Variants in PRKCE observed in about 807,000 individuals in gnomAD.
PRKCE encodes protein kinase C epsilon type.
Under a neutral mutation model 85.4 loss-of-function variants are expected in PRKCE, and 16 were observed. That is an observed-to-expected ratio of 0.19 (90% CI 0.13 to 0.28). The LOEUF (loss-of-function observed/expected upper bound fraction) is 0.28, where lower values mean the gene tolerates loss of function less well. Among genes scored for constraint, PRKCE ranks in the 10% least tolerant of loss-of-function variants. The pLI is 1.00. For missense variants in PRKCE, 573 were observed against 975.2 expected (o/e 0.59, Z 5.49); for synonymous variants, 388 against 371.5 (o/e 1.04, Z -0.51).
intron 11 of PRKCE, among the ~76,000 whole-genome samples, chr2:46,126,906 C>T (rs1051220310): frequency 1.3e-5 from 2 of 152,182 alleles, no homozygotes; most frequent in African/African-American, 2.4e-5. Context: ...CCCACTTCAG[C>T]GGTTTACAGT....
intron 2 of PRKCE, among the ~76,000 whole-genome samples, chr2:45,897,759 G>A (rs931391055): frequency 1.3e-5 from 2 of 152,174 alleles, no homozygotes; most frequent in Non-Finnish European, 2.9e-5. Flanking sequence ...CAGCAATATG[G>A]TTTATGATTT....
At chr2:45,790,606 C>T (rs1573369391) in intron 1 of PRKCE, among the ~76,000 whole-genome samples, 1 of 152,334 alleles carries the variant, frequency 6.6e-6, no homozygotes. Flanking sequence ...TGTCAGAGGA[C>T]CCAAAGCACA....
At chr2:45,836,441 C>G (rs1387814015) in intron 1 of PRKCE, among the ~76,000 whole-genome samples, 1 of 152,212 alleles carries the variant, frequency 6.6e-6, no homozygotes, top group East Asian at 1.9e-4. Context: ...CTGCTAACTT[C>G]AAAATCAGCA....
chr2:45,706,999 A>T (rs1386060093), intron 1 of PRKCE, among the ~76,000 whole-genome samples: 1 of 152,114 alleles, frequency 6.6e-6, no homozygotes, highest in East Asian at 1.9e-4. Flanking sequence ...TCGATTTTCC[A>T]CTTTGACTGG....
intron 2 of PRKCE, among the ~76,000 whole-genome samples, chr2:45,903,461 G>C (rs1372513989): frequency 6.6e-6 from 1 of 152,216 alleles, no homozygotes; most frequent in Non-Finnish European, 1.5e-5. Flanking sequence ...TGTGAGGGAA[G>C]ATGAGGCCGA....
chr2:45,989,786 T>C (rs982872527), intron 6 of PRKCE, among the ~76,000 whole-genome samples: 1 of 152,254 alleles, frequency 6.6e-6, no homozygotes, highest in African/African-American at 2.4e-5. Flanking sequence ...TCAACTTTTA[T>C]TTTTAGAATT....
chr2:45,824,309 A>G (rs911831150), intron 1 of PRKCE, among the ~76,000 whole-genome samples: 1 of 152,228 alleles, frequency 6.6e-6, no homozygotes, highest in Non-Finnish European at 1.5e-5. Flanking sequence ...GAAAGGATGA[A>G]GTGATCAACT....
intron 10 of PRKCE, among the ~76,000 whole-genome samples, chr2:46,084,346 G>A (rs1407808985): frequency 3.3e-5 from 5 of 152,158 alleles, no homozygotes; most frequent in African/African-American, 4.8e-5. Context: ...AAATAAAGAA[G>A]CTCATTGGTA....
chr2:45,758,563 G>A (rs936931678), intron 1 of PRKCE, among the ~76,000 whole-genome samples: 2 of 152,206 alleles, frequency 1.3e-5, no homozygotes, highest in South Asian at 4.1e-4. Context: ...ATTTTGATCT[G>A]TGCCCAAATG....
Position 46,138,319 on chromosome 2 carries a change from C to G in PRKCE, c.1593-6774C>G, listed in dbSNP as rs150006873. 6.6e-6 allele frequency among the ~76,000 whole-genome samples: 1 copy of G among 152,168 alleles called. No homozygotes were observed. Among genetic ancestry groups the G allele is most frequent in the Admixed American group, 6.5e-5 (1 of 15,278 alleles). ...ATCAAATAGAGATTTCCAACTCATACGTCTGTCATTTTATCTAATAGGTGG... is the reference window on the plus strand; with the variant it reads ...ATCAAATAGAGATTTCCAACTCATAGGTCTGTCATTTTATCTAATAGGTGG... On this transcript the variant is annotated intron_variant, in intron 11 of 14. Transcript: ENST00000306156. The surrounding 1 kb of genome is among the most constrained non-coding windows in gnomAD (Gnocchi z 4.2).
intron 10 of PRKCE, among the ~76,000 whole-genome samples, chr2:46,060,213 T>A (rs1666970394): frequency 6.6e-6 from 1 of 152,220 alleles, no homozygotes; most frequent in Admixed American, 6.5e-5. Flanking sequence ...GGAACATAAC[T>A]ATTTCAGTTT....
intron 1 of PRKCE, among the ~76,000 whole-genome samples, chr2:45,827,289 G>A (rs774522884): frequency 4.0e-4 from 61 of 152,202 alleles, no homozygotes; most frequent in Non-Finnish European, 7.5e-4. Flanking sequence ...TCTTACGTGT[G>A]TTTGACCAAA....
chr2:46,157,188 G>A (rs1300800371), intron 13 of PRKCE, among the ~76,000 whole-genome samples: 1 of 152,034 alleles, frequency 6.6e-6, no homozygotes, highest in African/African-American at 2.4e-5. Flanking sequence ...GATTCCCGGA[G>A]CCCCATCTCT....
chr2:45,715,975 G>C (rs992332403), intron 1 of PRKCE, among the ~76,000 whole-genome samples: 1 of 152,170 alleles, frequency 6.6e-6, no homozygotes, highest in Non-Finnish European at 1.5e-5. Context: ...TCTGCTCCCA[G>C]TGCTGGGCCC....
At chr2:45,863,001 C>T (rs1233177159) in intron 2 of PRKCE, among the ~76,000 whole-genome samples, 4 of 152,202 alleles carry the variant, frequency 2.6e-5, no homozygotes, top group Non-Finnish European at 4.4e-5. Flanking sequence ...CCTCTACTTG[C>T]TGTGGCCCCA....
chr2:46,115,324 A>G (rs1672663581), intron 11 of PRKCE, among the ~76,000 whole-genome samples: 1 of 152,124 alleles, frequency 6.6e-6, no homozygotes, highest in African/African-American at 2.4e-5. Context: ...AAGCAGGGGG[A>G]GTGATTTTGC....
intron 4 of PRKCE, among the ~76,000 whole-genome samples, chr2:45,979,647 G>C (rs532850168): frequency 6.6e-6 from 1 of 152,148 alleles, no homozygotes; most frequent in African/African-American, 2.4e-5. Context: ...CTGTCTCCTC[G>C]CCAAGCACTG....
At chr2:45,844,017 C>T (rs944714122) in intron 2 of PRKCE, among the ~76,000 whole-genome samples, 6 of 152,332 alleles carry the variant, frequency 3.9e-5, no homozygotes, top group Non-Finnish European at 5.9e-5. Flanking sequence ...TTCACAACAT[C>T]TCCCCAGAAT....
intron 5 of PRKCE, among the ~76,000 whole-genome samples, chr2:45,982,473 C>A (rs553404335): frequency 1.3e-5 from 2 of 152,352 alleles, no homozygotes; most frequent in East Asian, 3.9e-4. Flanking sequence ...TGTGTCTTAG[C>A]ATGCGGTGGA....
Sources: allele counts gnomAD v4.1 joint callset (sites outside exome capture counted in the v4.1 genomes callset), GRCh38; gene constraint gnomAD v4.1.1; non-coding constraint Gnocchi (gnomAD v3.1); transcripts MANE v1.5; gene names NCBI Gene and HGNC (gene_info 2026-07-23, HGNC 2026-07-21).